The following SLC6A4 variants were observed in gnomAD, a reference collection of about 807,000 sequenced individuals.
The protein encoded by SLC6A4 is sodium-dependent serotonin transporter.
Under a neutral mutation model 73.4 loss-of-function variants are expected in SLC6A4, and 22 were observed. The observed-to-expected ratio is 0.30, with a 90% confidence interval of 0.21 to 0.43. The LOEUF is 0.43. Ranked by LOEUF, SLC6A4 falls within the 20% of genes least tolerant of loss-of-function variation. The pLI is 1.00. For missense variants in SLC6A4, 593 were observed against 808.5 expected (o/e 0.73, Z 3.23); for synonymous variants, 270 against 315.5 (o/e 0.86, Z 1.53).
At chr17:30,231,573 A>G (rs1907117720) in intron 1 of SLC6A4, among the ~76,000 whole-genome samples, 2 of 152,150 alleles carry the variant, frequency 1.3e-5, no homozygotes, top group Admixed American at 1.3e-4. Flanking sequence ...ATCAAATCAT[A>G]TATATACTGC....
At chr17:30,220,287 C>T (rs976607459) in intron 3 of SLC6A4, among the ~76,000 whole-genome samples, 2 of 152,194 alleles carry the variant, frequency 1.3e-5, no homozygotes, top group East Asian at 1.9e-4. Flanking sequence ...TCAAGCTTGA[C>T]GCATCTGACA....
intron 1 of SLC6A4, among the ~76,000 whole-genome samples, chr17:30,228,053 G>A (rs1004173010): frequency 6.6e-6 from 1 of 152,196 alleles, no homozygotes; most frequent in Non-Finnish European, 1.5e-5. Flanking sequence ...CATAGCAGAT[G>A]TGAACAGCCC....
intron 10 of SLC6A4, 112 bp from the exon 11 acceptor site, chr17:30,210,758 C>A: frequency 1.7e-6 from 2 of 1,169,846 alleles, no homozygotes; most frequent in Non-Finnish European, 2.4e-6. Flanking sequence ...TCAAGCTGAT[C>A]ATCACCAGTT....
At chr17:30,223,460 A>C (rs919196498) in intron 1 of SLC6A4, among the ~76,000 whole-genome samples, 1 of 152,226 alleles carries the variant, frequency 6.6e-6, no homozygotes, top group Non-Finnish European at 1.5e-5. Context: ...TAGTAAGTGA[A>C]AAATCAGGAC....
At chr17:30,216,929 G>C (rs1003569487) in intron 6 of SLC6A4, among the ~76,000 whole-genome samples, 5 of 151,996 alleles carry the variant, frequency 3.3e-5, no homozygotes, top group African/African-American at 1.2e-4. Context: ...TGAACTCCTG[G>C]CCTCAAATGA....
chr17:30,224,343 G>A (rs1021982641), intron 1 of SLC6A4, among the ~76,000 whole-genome samples: 6 of 151,740 alleles, frequency 4.0e-5, no homozygotes, highest in Admixed American at 1.3e-4. Flanking sequence ...CTCAGCCTCC[G>A]AGTAGCTGGG....
At chr17:30,231,324 T>TATAC (rs1225745784) in intron 1 of SLC6A4, among the ~76,000 whole-genome samples, 1 of 151,066 alleles carries the variant, frequency 6.6e-6, no homozygotes, top group Admixed American at 6.6e-5. Context: ...CAGATATATA[T>TATAC]ATACACACTA....
In SLC6A4 at chr17:30,231,817, G is replaced by A. The variant is rs552841059; in HGVS notation, c.-221+3796C>T. On this transcript the variant is annotated intron_variant, in intron 1 of 14. Coordinates refer to ENST00000650711, the MANE Select transcript of SLC6A4 (RefSeq NM_001045.6). ...CAGGCTCTTCCCTCCCTGTTCCTTC[G>A]GCCCAGCTCCCCAACTCTGAAACAA... Among the ~76,000 whole-genome samples the A allele has an allele frequency of 2.0e-3, 301 of 152,112 alleles. 2 individuals carry two copies. The highest frequency in any genetic ancestry group is 7.3e-3 in the South Asian group (35 of 4,804).
intron 1 of SLC6A4, among the ~76,000 whole-genome samples, chr17:30,226,313 C>T (rs554365689): frequency 3.3e-5 from 5 of 152,306 alleles, no homozygotes; most frequent in African/African-American, 9.6e-5. Context: ...TGGTGCCGCC[C>T]GAAGCAGTAA....
intron 14 of SLC6A4, among the ~76,000 whole-genome samples, chr17:30,202,883 G>A (rs1906079190): frequency 6.6e-6 from 1 of 152,196 alleles, no homozygotes. Context: ...GCAGGAGGCA[G>A]GGTAGTTGTC....
chr17:30,217,881 C>T (rs1370075640), intron 5 of SLC6A4, among the ~76,000 whole-genome samples: 1 of 152,140 alleles, frequency 6.6e-6, no homozygotes, highest in African/African-American at 2.4e-5. Flanking sequence ...CGGGCTTGGG[C>T]GCATTGGAGC....
chr17:30,228,000 C>A (rs1272507872), intron 1 of SLC6A4, among the ~76,000 whole-genome samples: 5 of 152,194 alleles, frequency 3.3e-5, no homozygotes, highest in African/African-American at 9.7e-5. Flanking sequence ...CAAAAGGATA[C>A]TGGATTATTT....
intron 9 of SLC6A4, among the ~76,000 whole-genome samples, chr17:30,212,017 T>C (rs2143014367): frequency 6.6e-6 from 1 of 152,230 alleles, no homozygotes; most frequent in East Asian, 1.9e-4. Flanking sequence ...ACAAGCATGC[T>C]AACATGCTTG....
chr17:30,214,634 CTTTTT>C (rs753290326), intron 8 of SLC6A4, among the ~76,000 whole-genome samples: 1 of 132,346 alleles, frequency 7.6e-6, no homozygotes, highest in Non-Finnish European at 1.6e-5. Context: ...TTCTTTCTTT[CTTTTT>C]TTTTTTTTTT....
intron 1 of SLC6A4, 38 bp from the exon 2 acceptor site, chr17:30,222,953 G>T: frequency 2.7e-6 from 2 of 739,732 alleles, no homozygotes; most frequent in African/African-American, 1.8e-5. Flanking sequence ...ATGCTGGGGT[G>T]GTTGGTGTCG....
At chr17:30,213,142 C>T (rs1906440649) in intron 8 of SLC6A4, among the ~76,000 whole-genome samples, 1 of 152,166 alleles carries the variant, frequency 6.6e-6, no homozygotes, top group Non-Finnish European at 1.5e-5. Flanking sequence ...CTAGCACAGA[C>T]CTCTCCATTT....
intron 8 of SLC6A4, among the ~76,000 whole-genome samples, chr17:30,213,309 T>C (rs1414541551): frequency 2.7e-5 from 4 of 148,858 alleles, no homozygotes; most frequent in South Asian, 2.1e-4. Context: ...TTTCTTTTTT[T>C]TTTTTTTTTT....
At chr17:30,222,139 G>T (rs1338028654) in intron 2 of SLC6A4, 58 bp from the exon 3 acceptor site, 4 of 1,111,934 alleles carry the variant, frequency 3.6e-6, no homozygotes, top group Non-Finnish European at 5.2e-6. Flanking sequence ...CTCATCTTTG[G>T]TATTAACTCA....
At chr17:30,210,477 G>A in intron 11 of SLC6A4, 38 bp downstream of exon 11, 1 of 1,601,876 alleles carries the variant, frequency 6.2e-7, no homozygotes, top group Non-Finnish European at 8.5e-7. Context: ...TGCTGCCCTA[G>A]GGGAGGCCAA....
Sources: gnomAD v4.1 joint callset for allele counts (sites outside exome capture counted in the v4.1 genomes callset) on GRCh38, gnomAD v4.1.1 for gene constraint, MANE v1.5 for transcripts, NCBI Gene and HGNC (gene_info 2026-07-23, HGNC 2026-07-21) for gene names.